UBR4: variants seen among roughly 807,000 people sequenced by gnomAD.
UBR4 encodes E3 ubiquitin-protein ligase UBR4.
A neutral mutation model predicts 575.6 loss-of-function variants in UBR4; 124 were observed. The ratio of observed to expected loss-of-function variants is 0.22; its 90% confidence interval spans 0.19 to 0.25. UBR4 has a LOEUF of 0.25. Ranked by LOEUF, UBR4 falls within the 10% of genes least tolerant of loss-of-function variation. The pLI, the probability that UBR4 is intolerant of heterozygous loss-of-function variation, is 1.00. For synonymous variants in UBR4, 2,455 were observed against 2,473.7 expected (o/e 0.99, Z 0.22); for missense variants, 4,818 against 6,478.8 (o/e 0.74, Z 8.80).
At chr1:19,169,564 AC>A in intron 26 of UBR4, 32 bp from the exon 27 acceptor site, 1 of 1,593,318 alleles carries the variant, frequency 6.3e-7, no homozygotes, top group Non-Finnish European at 8.6e-7. Context: ...AGGAATCATC[AC>A]AAGAAAGAAG....
chr1:19,115,636 GCCTAGGAAAGA>G lies in UBR4; in HGVS notation c.10824-10_10824del. ...TTCTTGGCTTTGTGCCAGCGAGCTG[GCCTAGGAAAGA>G]CAGACAGCCTTGAGATTTTCTCATC... On this transcript the variant is annotated splice_acceptor_variant and splice_polypyrimidine_tract_variant and coding_sequence_variant and intron_variant, in exon 74 of 106. Coordinates refer to ENST00000375254, the MANE Select transcript of UBR4 (RefSeq NM_020765.3). LOFTEE classifies it high-confidence loss of function. The G allele has an allele frequency of 6.2e-7, 1 of 1,614,016 alleles. No individual in the cohort carries two copies. The highest frequency in any genetic ancestry group is 8.5e-7 in the Non-Finnish European group (1 of 1,179,942).
rs1375527758 is a variant in UBR4 at position 19,089,756 on chromosome 1, AAC to A, written c.14212-781_14212-780del. Reference sequence around the variant, plus strand: ...ACATATGAGACAACAGGCTGAAAATAACACAGCCAGCAGATCACTCAGTAGCT... The same window carrying A: ...ACATATGAGACAACAGGCTGAAAATAACAGCCAGCAGATCACTCAGTAGCT... On this transcript the variant is annotated intron_variant, in intron 97 of 105. Coordinates refer to ENST00000375254, the MANE Select transcript of UBR4 (RefSeq NM_020765.3). This position sits in a 1 kb window ranked among gnomAD's most constrained non-coding sequence, Gnocchi z 4.3. Among the ~76,000 whole-genome samples, 2 of 152,252 alleles carry A rather than the reference AAC, an allele frequency of 1.3e-5. No individual in the cohort carries two copies. The highest frequency in any genetic ancestry group is 3.8e-4 in the East Asian group (2 of 5,198).
rs572811435 is a variant in UBR4, at chr1:19,170,971, A to G, written c.3522-88T>C. On this transcript the variant is annotated intron_variant, in intron 25 of 105. Transcript: ENST00000375254. ...TGGCCCTAGACTGGCTGAAAACCCTATATCTCAGTTTCCTATCTATTTAAT... is the reference window on the plus strand; with the variant it reads ...TGGCCCTAGACTGGCTGAAAACCCTGTATCTCAGTTTCCTATCTATTTAAT... 177 of 1,574,892 alleles carry G rather than the reference A, an allele frequency of 1.1e-4. 1 individual carries two copies. Among genetic ancestry groups the G allele is most frequent in the South Asian group, 1.1e-3 (97 of 88,186 alleles).
intron 103 of UBR4, 73 bp downstream of exon 103, chr1:19,081,276 C>A: frequency 7.5e-7 from 1 of 1,327,500 alleles, no homozygotes; most frequent in Non-Finnish European, 1.0e-6. Flanking sequence ...CTAGCACGTG[C>A]GTACCACTAA....
In UBR4 at chr1:19,150,666, G is replaced by A; in HGVS notation, c.7341C>T (p.Asn2447=). ...PEEFPSASVS[N]ICPSNLNQSN... ...TCTGGTTCAGATTTGAAGGGCAGATGTTGCTGACAGAGGCAGAAGGGAATT... is the reference window on the plus strand; with the variant it reads ...TCTGGTTCAGATTTGAAGGGCAGATATTGCTGACAGAGGCAGAAGGGAATT... The change falls in exon 49 of 106, where the codon AAC becomes AAT. Residue 2447 remains asparagine (N), a synonymous_variant. Coordinates refer to ENST00000375254, the MANE Select transcript of UBR4 (RefSeq NM_020765.3). The A allele has an allele frequency of 6.2e-7, 1 of 1,614,106 alleles. No individual in the cohort carries two copies. Among genetic ancestry groups the A allele is most frequent in the Non-Finnish European group, 8.5e-7 (1 of 1,180,012 alleles).
chr1:19,135,990 G>A (rs2083159346), intron 60 of UBR4, among the ~76,000 whole-genome samples: 1 of 152,164 alleles, frequency 6.6e-6, no homozygotes, highest in Non-Finnish European at 1.5e-5. Flanking sequence ...GTTAAAATAG[G>A]AGGTGATTTC....
Position 19,153,995 on chromosome 1 carries a change from T to C in UBR4, c.6459-56A>G. 1 of 1,574,934 alleles carries C rather than the reference T, an allele frequency of 6.3e-7. No individual in the cohort carries two copies. The highest frequency in any genetic ancestry group is 8.6e-7 in the Non-Finnish European group (1 of 1,158,680). The stretch of plus-strand genomic sequence containing the variant: ...GTGTCAGTCACCATTTAATAGTTCT[T>C]TTCTTGACCTAAAAACCATCCTCTA... On this transcript the variant is annotated intron_variant, in intron 44 of 105. Transcript: ENST00000375254. This position sits in a 1 kb window ranked among gnomAD's most constrained non-coding sequence, Gnocchi z 4.1.
In UBR4 at chr1:19,163,862, A is replaced by G. The variant is rs746611614; in HGVS notation, c.4701-35T>C. 5 of 1,610,580 alleles carry G rather than the reference A, an allele frequency of 3.1e-6. No individual in the cohort carries two copies. In the African/African-American group the frequency reaches 4.0e-5, roughly 13 times the overall value. Reference sequence around the variant, plus strand: ...AGAAAAAAAAGAGGGGAAAGAGGAGACACAAAATCATCGAAGAAACCAACG... The same window carrying G: ...AGAAAAAAAAGAGGGGAAAGAGGAGGCACAAAATCATCGAAGAAACCAACG... On this transcript the variant is annotated intron_variant, in intron 33 of 105. Coordinates refer to ENST00000375254, the MANE Select transcript of UBR4 (RefSeq NM_020765.3).
rs752764369 is a variant in UBR4 at position 19,155,675 on chromosome 1, G to A, written c.6073-7C>T. The A allele has an allele frequency of 1.2e-6, 2 of 1,609,180 alleles. No individual in the cohort carries two copies. The highest frequency in any genetic ancestry group is 1.7e-4 in the Middle Eastern group (1 of 6,050). The stretch of plus-strand genomic sequence containing the variant: ...CAACACACAGGTCATAAATCTGCAG[G>A]ATGGAAGAAAAATTAAATAAGGGAA... On this transcript the variant is annotated splice_region_variant and splice_polypyrimidine_tract_variant and intron_variant, in intron 42 of 105. Transcript: ENST00000375254.
chr1:19,174,744 G>A (rs533634274), intron 21 of UBR4, among the ~76,000 whole-genome samples: 1 of 152,310 alleles, frequency 6.6e-6, no homozygotes, highest in East Asian at 1.9e-4. Flanking sequence ...TGTCAGAGGT[G>A]CCAATCCAGA....
Position 19,104,253 on chromosome 1 carries a change from A to G in UBR4, c.12732T>C (p.Leu4244=). The change falls in exon 87 of 106, where the codon CTT becomes CTC. Residue 4244 remains leucine (L), a synonymous_variant. Coordinates refer to ENST00000375254, the MANE Select transcript of UBR4 (RefSeq NM_020765.3). ...QGYALKSLTG[L]LSSFVEVESI... Reference sequence around the variant, plus strand: ...ATTCCACCTCAACAAAGGAGGAGAGAAGGCCTGTGGAGACAGGAAAATGTT... The same window carrying G: ...ATTCCACCTCAACAAAGGAGGAGAGGAGGCCTGTGGAGACAGGAAAATGTT... The G allele has an allele frequency of 6.2e-7, 1 of 1,614,222 alleles. No homozygotes were observed. The highest frequency in any genetic ancestry group is 8.5e-7 in the Non-Finnish European group (1 of 1,180,030).
At position 19,160,319 on chromosome 1, in the gene UBR4, AAAAAAG is replaced by A. The variant is rs754238038; in HGVS notation, c.5407-44_5407-39del. On this transcript the variant is annotated intron_variant, in intron 38 of 105. Coordinates refer to ENST00000375254, the MANE Select transcript of UBR4 (RefSeq NM_020765.3). Reference sequence around the variant, plus strand: ...GAAAAAATACACCAGTGAAAAAAAAAAAAAAGAAAAACAATGGATAATACTTGTAAA... The same window carrying A: ...GAAAAAATACACCAGTGAAAAAAAAAAAAAACAATGGATAATACTTGTAAA... 3 of 1,509,042 alleles carry A rather than the reference AAAAAAG, an allele frequency of 2.0e-6. No homozygotes were observed. The Admixed American group carries it at 7.0e-5, about 35-fold the overall frequency. The allele number at this position is 1,509,042 out of a possible 1,614,324, so 93.5% of individuals were successfully genotyped here. A position where few individuals can be genotyped will look rare whatever the true frequency, so the allele number is the denominator to read the frequency against.
intron 37 of UBR4, 49 bp from the exon 38 acceptor site, chr1:19,161,196 A>G: frequency 6.5e-7 from 1 of 1,549,602 alleles, no homozygotes; most frequent in Non-Finnish European, 8.8e-7. Flanking sequence ...TCAAGCACAG[A>G]GGAAATACTG....
rs1418089834 is a variant in UBR4, at chr1:19,175,048, G to A, written c.2774-15C>T. Reference sequence around the variant, plus strand: ...TGGGACAGCATCTGAAAAGTAATATGCTGATTAAAAGAATGGTTCCATTCT... The same window carrying A: ...TGGGACAGCATCTGAAAAGTAATATACTGATTAAAAGAATGGTTCCATTCT... On this transcript the variant is annotated splice_polypyrimidine_tract_variant and intron_variant, in intron 20 of 105. Transcript: ENST00000375254. The A allele has an allele frequency of 6.2e-7, 1 of 1,606,414 alleles. No individual in the cohort carries two copies. Among genetic ancestry groups the A allele is most frequent in the South Asian group, 1.1e-5 (1 of 90,512 alleles).
At position 19,145,941 on chromosome 1, in the gene UBR4, GGAGA is replaced by G; in HGVS notation, c.7805-12_7805-9del. The stretch of plus-strand genomic sequence containing the variant: ...TCCCTTCATCCATTCCTTCTAAGCA[GGAGA>G]AAGAAAATTATCAACGATGGTAAAT... On this transcript the variant is annotated splice_polypyrimidine_tract_variant and intron_variant, in intron 52 of 105. Coordinates refer to ENST00000375254, the MANE Select transcript of UBR4 (RefSeq NM_020765.3). 1 of 1,613,000 alleles carries G rather than the reference GGAGA, an allele frequency of 6.2e-7. No individual in the cohort carries two copies.
At chr1:19,095,136 GTGTATGACCGTGTGTA>G in intron 93 of UBR4, 111 bp from the exon 94 acceptor site, 1 of 1,476,808 alleles carries the variant, frequency 6.8e-7, no homozygotes, top group Non-Finnish European at 9.3e-7. Context: ...GAGACCATGT[GTGTATGACCGTGTGTA>G]TGTATGTGCG....
intron 86 of UBR4, 87 bp downstream of exon 86, chr1:19,104,498 G>C: frequency 1.4e-6 from 2 of 1,433,916 alleles, no homozygotes; most frequent in Non-Finnish European, 1.9e-6. Context: ...CCAGAGAGAA[G>C]AGAGTCAACC....
In UBR4 at chr1:19,117,994, G is replaced by A; in HGVS notation, c.10542-84C>T. ...CACAAAAAAATCATGACAAAGCCAT[G>A]GCTCAATGTGAGCCAAAGTGAGCCC... On this transcript the variant is annotated intron_variant, in intron 71 of 105. Transcript: ENST00000375254. This position sits in a 1 kb window ranked among gnomAD's most constrained non-coding sequence, Gnocchi z 4.0. The A allele has an allele frequency of 2.2e-6, 3 of 1,372,452 alleles. No individual in the cohort carries two copies. The South Asian group carries it at 3.6e-5, about 16-fold the overall frequency. The allele number at this position is 1,372,452 out of a possible 1,614,324, so 85.0% of individuals were successfully genotyped here.
At chr1:19,083,656 T>A (rs2076738494) in intron 102 of UBR4, among the ~76,000 whole-genome samples, 1 of 152,168 alleles carries the variant, frequency 6.6e-6, no homozygotes, top group African/African-American at 2.4e-5. Context: ...CACCTCAGTC[T>A]CCCGAATAGC....
Sources: allele counts gnomAD v4.1 joint callset (sites outside exome capture counted in the v4.1 genomes callset), GRCh38; gene constraint gnomAD v4.1.1; non-coding constraint Gnocchi (gnomAD v3.1); transcripts MANE v1.5; gene names NCBI Gene and HGNC (gene_info 2026-07-23, HGNC 2026-07-21).